UBTF: variants seen among roughly 807,000 people sequenced by gnomAD.
UBTF encodes the protein upstream binding transcription factor.
In UBTF, 8 loss-of-function variants were observed where a neutral mutation model predicts 112.3. The ratio of observed to expected loss-of-function variants is 0.07; its 90% CI spans 0.04 to 0.13. The LOEUF (loss-of-function observed/expected upper bound fraction) is 0.13. UBTF is among the 10% of genes least tolerant of loss of function. The pLI is 1.00. For missense variants in UBTF, 457 were observed against 982.1 expected, an observed-to-expected ratio of 0.47 and a Z score of 7.15; for synonymous variants, 417 against 373.1, an observed-to-expected ratio of 1.12 and a Z score of -1.36.
At chr17:44,215,267 G>A (rs1041582304) in intron 5 of UBTF, 1 of 180,220 alleles carries the variant, frequency 5.5e-6, no homozygotes, top group Admixed American at 5.6e-5. Flanking sequence ...CTTTTCCTAG[G>A]GTTACCTTTA....
At chr17:44,220,266 C>T (rs545670588), upstream of UBTF, among the ~76,000 whole-genome samples, 1 of 151,726 alleles carries the variant, frequency 6.6e-6, no homozygotes, top group Non-Finnish European at 1.5e-5. Flanking sequence ...GTGCCCCCGG[C>T]GTCCGGGGAG....
intron 1 of UBTF, 26 bp from the exon 2 acceptor site, chr17:44,218,322 T>G: frequency 7.1e-7 from 1 of 1,409,980 alleles, no homozygotes; most frequent in Admixed American, 1.9e-5. Flanking sequence ...CAGTTCCCAC[T>G]CAGGAAGGCT....
intron 3 of UBTF, 155 bp from the exon 4 acceptor site, chr17:44,216,144 T>C (rs1339032356): frequency 1.0e-5 from 7 of 683,608 alleles, no homozygotes; most frequent in East Asian, 2.7e-5. Flanking sequence ...GCAGGCAGCA[T>C]GACACCCAGG....
In UBTF at chr17:44,211,717, G is replaced by C. The variant is rs775252628; in HGVS notation, c.936C>G (p.Leu312=). 2 of 1,608,544 alleles carry C rather than the reference G, an allele frequency of 1.2e-6. No individual in the cohort carries two copies. The highest frequency in any genetic ancestry group is 1.7e-6 in the Non-Finnish European group (2 of 1,179,990). Residue 312 remains leucine (L), a synonymous_variant, in exon 10 of 21, where the codon CTC becomes CTG. Transcript: ENST00000436088. The surrounding 1 kb of genome is among the most constrained non-coding windows in gnomAD (Gnocchi z 4.9). ...PNSYSLYCAE[L]MANMKDVPST... is the part of the protein sequence containing the mutation. Reference sequence around the variant, plus strand: ...TGGGCACGTCCTTCATGTTGGCCATGAGCTCTGCGCAGTACAGCGAGTAGC... The same window carrying C: ...TGGGCACGTCCTTCATGTTGGCCATCAGCTCTGCGCAGTACAGCGAGTAGC...
Position 44,211,215 on chromosome 17 carries a change from TC to T in UBTF, c.1090-64del. 1 of 1,613,580 alleles carries T rather than the reference TC, an allele frequency of 6.2e-7. No individual in the cohort carries two copies. The highest frequency in any genetic ancestry group is 1.1e-5 in the South Asian group (1 of 91,068). On this transcript the variant is annotated intron_variant, in intron 11 of 20. Coordinates refer to ENST00000436088, the MANE Select transcript of UBTF (RefSeq NM_014233.4). The surrounding 1 kb of genome is among the most constrained non-coding windows in gnomAD (Gnocchi z 4.9). ...CACCCAGACTGCATGGTGCCCTATC[TC>T]CAGGGGCTCACCAGGGCTCTGCCTG...
At position 44,210,144 on chromosome 17, in the gene UBTF, C is replaced by T. The variant is rs780913715; in HGVS notation, c.1606G>A (p.Glu536Lys). 2.5e-6 allele frequency: 4 copies of T among 1,614,102 alleles called. No homozygotes were observed. Among genetic ancestry groups the T allele is most frequent in the South Asian group, 1.1e-5 (1 of 91,088 alleles). ...EKLMWIKKAA[E>K]DQKRYERELS... ...CCTACCTCATATCGCTTTTGGTCTTCGGCTGCCTTCTTAATCCACATCAGT... is the reference window on the plus strand; with the variant it reads ...CCTACCTCATATCGCTTTTGGTCTTTGGCTGCCTTCTTAATCCACATCAGT... Residue 536 changes from glutamate (E) to lysine (K), a missense_variant, in exon 15 of 21, where the codon GAA becomes AAA. By Grantham distance (56) the Glu-to-Lys change is moderately conservative (BLOSUM62 1). Transcript: ENST00000436088.
intron 17 of UBTF, among the ~76,000 whole-genome samples, chr17:44,208,354 C>T (rs1253486398): frequency 2.6e-5 from 4 of 152,162 alleles, no homozygotes; most frequent in African/African-American, 9.7e-5. Context: ...TCCTTCATAC[C>T]TTGGGCTCCC....
At chr17:44,209,936 C>G (rs1018705049) in intron 15 of UBTF, among the ~76,000 whole-genome samples, 188 bp downstream of exon 15, 3 of 152,164 alleles carry the variant, frequency 2.0e-5, no homozygotes, top group Admixed American at 2.0e-4. Context: ...CTGCTCGCAT[C>G]CTCCGAGTCA....
upstream of UBTF, chr17:44,220,912 C>A: frequency 6.7e-6 from 1 of 149,434 alleles, no homozygotes; most frequent in South Asian, 1.8e-4. Flanking sequence ...GCTCCGCCCG[C>A]CCCGCTCCGC....
chr17:44,209,326 C>T (rs758452566), intron 17 of UBTF, 26 bp downstream of exon 17: 2 of 1,565,834 alleles, frequency 1.3e-6, no homozygotes, highest in East Asian at 2.3e-5. Flanking sequence ...CTCTCTGTTC[C>T]TTCCAAGGGT....
rs1598210085 is a variant in UBTF at position 44,207,239 on chromosome 17, G to C, written c.*3C>G. The C allele has an allele frequency of 6.2e-7, 1 of 1,613,530 alleles. No homozygotes were observed. The highest frequency in any genetic ancestry group is 1.3e-5 in the African/African-American group (1 of 75,018). On this transcript the variant is annotated 3_prime_UTR_variant, in exon 21 of 21. Coordinates refer to ENST00000436088, the MANE Select transcript of UBTF (RefSeq NM_014233.4). ...CCTGGCTGCCCTGGGGTGGGGCTGA[G>C]CCTCAGTTGGAGTCAGAGTCTGAGG...
intron 1 of UBTF, chr17:44,218,986 C>G (rs935232997): frequency 6.7e-6 from 1 of 150,296 alleles, no homozygotes; most frequent in Non-Finnish European, 1.5e-5. Context: ...GCGCCGCCAC[C>G]GCCCAGCCAC....
upstream of UBTF, chr17:44,221,132 T>C (rs1207376388): frequency 6.6e-6 from 1 of 151,188 alleles, no homozygotes; most frequent in African/African-American, 2.4e-5. Context: ...GTTTTCGTCT[T>C]TTTTTTTTCT....
intron 2 of UBTF, among the ~76,000 whole-genome samples, chr17:44,217,901 T>A (rs1470770402): frequency 1.3e-5 from 2 of 152,036 alleles, no homozygotes; most frequent in Admixed American, 1.3e-4. Context: ...GGGACACACT[T>A]CAGGCTGAAT....
At chr17:44,220,052 GGCT>G (rs914059314), upstream of UBTF, among the ~76,000 whole-genome samples, 23 of 137,182 alleles carry the variant, frequency 1.7e-4, no homozygotes, top group Middle Eastern at 3.9e-3. Context: ...CGGCGGCGGC[GGCT>G]GCTGCTGCTG....
upstream of UBTF, among the ~76,000 whole-genome samples, chr17:44,220,360 C>A (rs910783153): frequency 6.6e-6 from 1 of 152,058 alleles, no homozygotes; most frequent in East Asian, 1.9e-4. Flanking sequence ...CCAGCTCTCT[C>A]CCGCCTCCCG....
At chr17:44,209,132 G>A (rs1163915150) in intron 17 of UBTF, 1 of 458,706 alleles carries the variant, frequency 2.2e-6, no homozygotes, top group Admixed American at 4.0e-5. Context: ...CTACACCACT[G>A]TACTCCAGCC....
In UBTF at chr17:44,211,395, C is replaced by CG. The variant is rs2056668829; in HGVS notation, c.1048-65dup. On this transcript the variant is annotated intron_variant, in intron 10 of 20. Transcript: ENST00000436088. The surrounding 1 kb of genome is among the most constrained non-coding windows in gnomAD (Gnocchi z 4.9). ...GTGTCACCACAGACCCTGCAGTACT[C>CG]GGAGGACAGTGACCTTCAGCGGGCC... 2 of 1,605,720 alleles carry CG rather than the reference C, an allele frequency of 1.2e-6. No individual in the cohort carries two copies. The highest frequency in any genetic ancestry group is 1.7e-6 in the Non-Finnish European group (2 of 1,174,550).
At chr17:44,210,060 C>A in intron 15 of UBTF, 64 bp downstream of exon 15, 1 of 1,545,336 alleles carries the variant, frequency 6.5e-7, no homozygotes, top group South Asian at 1.1e-5. Context: ...TTGCTCAGAG[C>A]TGCCCAACCA....
Sources: allele counts gnomAD v4.1 joint callset (sites outside exome capture counted in the v4.1 genomes callset), GRCh38; gene constraint gnomAD v4.1.1; non-coding constraint Gnocchi (gnomAD v3.1); transcripts MANE v1.5; gene names NCBI Gene and HGNC (gene_info 2026-07-23, HGNC 2026-07-21).